ADHFE1: variants seen among roughly 807,000 people sequenced by gnomAD.
The protein encoded by ADHFE1 is alcohol dehydrogenase iron containing 1, also known as hydroxyacid-oxoacid transhydrogenase, mitochondrial.
A neutral mutation model predicts 54.8 loss-of-function variants in ADHFE1; 37 were observed. The observed-to-expected ratio is 0.68, with a 90% CI of 0.52 to 0.89. The LOEUF is 0.89. ADHFE1 is among the 40% of genes least tolerant of loss of function. The pLI, the probability that ADHFE1 is intolerant of heterozygous loss-of-function variation, is 0.00. For synonymous variants in ADHFE1, 203 were observed against 229.3 expected (o/e 0.89, Z 1.04); for missense variants, 601 against 591.2 (o/e 1.02, Z -0.17).
intron 4 of ADHFE1, 34 bp downstream of exon 4, chr8:66,444,454 T>G (rs377218722): frequency 6.2e-7 from 1 of 1,611,344 alleles, no homozygotes; most frequent in African/African-American, 1.3e-5. Context: ...TCTCCTACTG[T>G]AAATGTTACA....
intron 6 of ADHFE1, among the ~76,000 whole-genome samples, chr8:66,447,027 A>G (rs1484289499): frequency 1.3e-5 from 2 of 152,202 alleles, no homozygotes; most frequent in Non-Finnish European, 2.9e-5. Flanking sequence ...CATTGGACTT[A>G]CATGCATGAT....
intron 6 of ADHFE1, 87 bp downstream of exon 6, chr8:66,445,501 A>T (rs1418473540): frequency 7.7e-7 from 1 of 1,292,956 alleles, no homozygotes; most frequent in Non-Finnish European, 1.0e-6. Flanking sequence ...TTTAACATAC[A>T]CATTTCGAAA....
intron 3 of ADHFE1, among the ~76,000 whole-genome samples, chr8:66,443,135 GT>G (rs1805843504): frequency 6.6e-6 from 1 of 151,970 alleles, no homozygotes; most frequent in Non-Finnish European, 1.5e-5. Context: ...TAAATCTTTA[GT>G]TTTTTAATTA....
chr8:66,468,063 G>A (rs1030127524), intron 13 of ADHFE1, among the ~76,000 whole-genome samples: 8 of 152,276 alleles, frequency 5.3e-5, no homozygotes, highest in Non-Finnish European at 1.0e-4. Flanking sequence ...AGTGGCTTTC[G>A]AAAGCTCTGT....
At chr8:66,460,245 C>A in intron 12 of ADHFE1, 63 bp from the exon 13 acceptor site, 1 of 1,593,412 alleles carries the variant, frequency 6.3e-7, no homozygotes, top group Non-Finnish European at 8.6e-7. Flanking sequence ...GATCTTGTGA[C>A]TGAACTCCAC....
At chr8:66,465,624 G>A (rs533287766) in intron 13 of ADHFE1, among the ~76,000 whole-genome samples, 9 of 151,952 alleles carry the variant, frequency 5.9e-5, no homozygotes, top group Middle Eastern at 3.4e-3. Flanking sequence ...TTTTTGAGAC[G>A]GATTCTTGCT....
At position 66,439,058 on chromosome 8, in the gene ADHFE1, C is replaced by T. The variant is rs1321943482; in HGVS notation, c.60-1104C>T. Among the ~76,000 whole-genome samples, 1 of 151,970 alleles carries T rather than the reference C, an allele frequency of 6.6e-6. No homozygotes were observed. Among genetic ancestry groups the T allele is most frequent in the Non-Finnish European group, 1.5e-5 (1 of 67,978 alleles). On this transcript the variant is annotated intron_variant, in intron 1 of 13. Coordinates refer to ENST00000396623, the MANE Select transcript of ADHFE1 (RefSeq NM_144650.3). This position sits in a 1 kb window ranked among gnomAD's most constrained non-coding sequence, Gnocchi z 4.4. ...GGGACAAGCCTGGCCTGGCCCGCGT[C>T]CTCTCCCCCGGCGCGCGCGTCGGGA...
At position 66,444,409 on chromosome 8, in the gene ADHFE1, G is replaced by A. The variant is rs1805921538; in HGVS notation, c.187G>A (p.Glu63Lys). 6 of 1,614,002 alleles carry A rather than the reference G, an allele frequency of 3.7e-6. No homozygotes were observed. The Admixed American group carries it at 1.0e-4, about 27-fold the overall frequency. Residue 63 changes from glutamate (E) to lysine (K), a missense_variant, in exon 4 of 14, where the codon GAA (glutamate) becomes AAA (lysine). Coordinates refer to ENST00000396623, the MANE Select transcript of ADHFE1 (RefSeq NM_144650.3). ...TAGATATGGAGCAGCAGTTACAAAG[G>A]AAGTAGGAATGGCAAGTATTCGAGA... ...NIRYGAAVTK[E>K]VGMDLKNMGA...
rs374615766 is a variant in ADHFE1, at chr8:66,468,255, A to G, written c.1321-14A>G. The G allele has an allele frequency of 5.6e-6, 9 of 1,604,220 alleles. No individual in the cohort carries two copies. The highest frequency in any genetic ancestry group is 2.7e-5 in the African/African-American group (2 of 74,196). ...TTCAAAGCCCTGGGTAACTTCTTTC[A>G]TTTACTGTTTCAGGAAAGGGTCACC... On this transcript the variant is annotated splice_polypyrimidine_tract_variant and intron_variant, in intron 13 of 13. Transcript: ENST00000396623.
chr8:66,439,384 G>C lies in ADHFE1; in HGVS notation c.60-778G>C. The C allele has an allele frequency of 1.0e-6, 1 of 985,828 alleles. No individual in the cohort carries two copies. Among genetic ancestry groups the C allele is most frequent in the Non-Finnish European group, 1.2e-6 (1 of 830,150 alleles). 61.1% of individuals were successfully genotyped at this position (985,828 alleles called of 1,614,324 possible). A position where few individuals can be genotyped will look rare whatever the true frequency, so the allele number is the denominator to read the frequency against. On this transcript the variant is annotated intron_variant, in intron 1 of 13. Transcript: ENST00000396623. This position sits in a 1 kb window ranked among gnomAD's most constrained non-coding sequence, Gnocchi z 4.4. ...GAGCGAGCAGGAGAAAGAGAAGCCA[G>C]AGGAGAGACTGGGACTGTCCAGGAA...
Position 66,452,021 on chromosome 8 carries a change from C to T in ADHFE1, c.803C>T (p.Thr268Ile). Residue 268 changes from threonine to isoleucine, a missense_variant, in exon 9 of 14, where the codon ACA becomes ATA. Coordinates refer to ENST00000396623, the MANE Select transcript of ADHFE1 (RefSeq NM_144650.3). ...AGCCCCTGCCCTTCAAATCCCATCA[C>T]ACGGCCTGCGTACCAGGGCAGCAAC... is the stretch of plus-strand genomic sequence containing the variant. The part of the protein sequence containing the change: ...LRSPCPSNPI[T>I]RPAYQGSNPI... 6.2e-7 allele frequency: 1 copy of T among 1,614,236 alleles called. No individual in the cohort carries two copies.
chr8:66,453,918 G>A (rs148361627), intron 9 of ADHFE1, 141 bp from the exon 10 acceptor site: 21 of 1,520,060 alleles, frequency 1.4e-5, no homozygotes, highest in Admixed American at 2.2e-5. Flanking sequence ...ACAAGGCGTC[G>A]TTTGAATAAC....
At chr8:66,464,127 G>T (rs765813448) in intron 13 of ADHFE1, among the ~76,000 whole-genome samples, 8 of 152,196 alleles carry the variant, frequency 5.3e-5, no homozygotes, top group Non-Finnish European at 7.3e-5. Context: ...AAAAGTAGAT[G>T]TCTGAATTTA....
intron 5 of ADHFE1, among the ~76,000 whole-genome samples, 169 bp from the exon 6 acceptor site, chr8:66,445,049 G>A (rs889282961): frequency 7.9e-5 from 12 of 152,002 alleles, no homozygotes; most frequent in East Asian, 5.8e-4. Context: ...TGCAGTGAGC[G>A]GAGATCGTGC....
At position 66,440,212 on chromosome 8, in the gene ADHFE1, T is replaced by C; in HGVS notation, c.97+13T>C. The stretch of plus-strand genomic sequence containing the variant: ...ACTTACTCCCAAGGTAATACTTCTG[T>C]ATTTTTAAACTAGCCACAATTTTGG... On this transcript the variant is annotated intron_variant, in intron 2 of 13. Coordinates refer to ENST00000396623, the MANE Select transcript of ADHFE1 (RefSeq NM_144650.3). 1 of 1,610,446 alleles carries C rather than the reference T, an allele frequency of 6.2e-7. No individual in the cohort carries two copies. Among genetic ancestry groups the C allele is most frequent in the Non-Finnish European group, 8.5e-7 (1 of 1,178,890 alleles).
chr8:66,456,654 C>G (rs1243406672), intron 10 of ADHFE1, among the ~76,000 whole-genome samples, 163 bp from the exon 11 acceptor site: 1 of 152,206 alleles, frequency 6.6e-6, no homozygotes, highest in African/African-American at 2.4e-5. Context: ...ATGTCCTAGA[C>G]ATCATAATAT....
chr8:66,457,122 C>T lies in ADHFE1; in HGVS notation c.1118C>T (p.Ala373Val), dbSNP rs1398846679. 6.2e-7 allele frequency: 1 copy of T among 1,613,776 alleles called. No individual in the cohort carries two copies. Among genetic ancestry groups the T allele is most frequent in the Non-Finnish European group, 8.5e-7 (1 of 1,179,818 alleles). The change falls in exon 12 of 14, where the codon GCC becomes GTC. Residue 373 changes from alanine (A) to valine (V), a missense_variant. Ala to Val is a moderately conservative substitution (Grantham distance 64). Coordinates refer to ENST00000396623, the MANE Select transcript of ADHFE1 (RefSeq NM_144650.3). Reference sequence around the variant, plus strand: ...TCCCCAGCGGTGTTCACTTTCACGGCCCAGATGTTTCCAGAGCGACACCTG... The same window carrying T: ...TCCCCAGCGGTGTTCACTTTCACGGTCCAGATGTTTCCAGAGCGACACCTG... ...LTSPAVFTFT[A>V]QMFPERHLEM... is the part of the protein sequence containing the mutation.
chr8:66,462,412 G>A (rs1176579258), intron 13 of ADHFE1, among the ~76,000 whole-genome samples: 2 of 152,112 alleles, frequency 1.3e-5, no homozygotes, highest in Non-Finnish European at 2.9e-5. Flanking sequence ...ACCATACCAG[G>A]CTAATTTTTT....
chr8:66,458,222 A>T (rs1401476462), intron 12 of ADHFE1, among the ~76,000 whole-genome samples: 2 of 152,244 alleles, frequency 1.3e-5, no homozygotes, highest in Non-Finnish European at 2.9e-5. Flanking sequence ...GCAAGAAGGG[A>T]AAGGCTAAAA....
Sources: allele counts gnomAD v4.1 joint callset (sites outside exome capture counted in the v4.1 genomes callset), GRCh38; gene constraint gnomAD v4.1.1; non-coding constraint Gnocchi (gnomAD v3.1); transcripts MANE v1.5; gene names NCBI Gene and HGNC (gene_info 2026-07-23, HGNC 2026-07-21).